The following EFCAB11 variants were observed in gnomAD, a reference collection of about 807,000 sequenced individuals.
EFCAB11 encodes EF-hand calcium binding domain 11.
EFCAB11 carries 14 observed loss-of-function variants against 23.0 expected under a neutral mutation model. The observed-to-expected ratio is 0.61, with a 90% CI of 0.40 to 0.95. EFCAB11 has a LOEUF of 0.95. EFCAB11 is among the 40% of genes least tolerant of loss of function. The pLI, the probability that EFCAB11 is intolerant of heterozygous loss-of-function variation, is 0.00. For missense variants in EFCAB11, 198 were observed against 195.8 expected (o/e 1.01, Z -0.07); for synonymous variants, 65 against 66.6 (o/e 0.98, Z 0.11).
chr14:89,881,759 T>C (rs1053608722), intron 5 of EFCAB11, among the ~76,000 whole-genome samples: 1 of 151,988 alleles, frequency 6.6e-6, no homozygotes, highest in Non-Finnish European at 1.5e-5. Flanking sequence ...GGAACTAATA[T>C]ATTTTCAAAT....
intron 3 of EFCAB11, among the ~76,000 whole-genome samples, chr14:89,943,025 G>GCCAACCTAGAATGTGAGTCTGAC (rs1890844540): frequency 6.6e-6 from 1 of 152,110 alleles, no homozygotes; most frequent in Non-Finnish European, 1.5e-5. Flanking sequence ...CTGAGTCTGG[G>GCCAACCTAGAATGTGAGTCTGAC]CCAACCTAGA....
intron 5 of EFCAB11, among the ~76,000 whole-genome samples, chr14:89,928,314 TG>T (rs1464987409): frequency 1.3e-5 from 2 of 152,282 alleles, no homozygotes; most frequent in Non-Finnish European, 2.9e-5. Context: ...ATTTTATTAA[TG>T]GCAAATAACT....
chr14:89,930,648 G>A (rs1332193108), intron 5 of EFCAB11, among the ~76,000 whole-genome samples: 1 of 152,226 alleles, frequency 6.6e-6, no homozygotes, highest in Non-Finnish European at 1.5e-5. Context: ...TGAAGCAAGA[G>A]GGAGAAGCCA....
intron 5 of EFCAB11, among the ~76,000 whole-genome samples, chr14:89,834,656 A>G (rs529046495): frequency 5.3e-5 from 8 of 152,344 alleles, no homozygotes; most frequent in African/African-American, 1.9e-4. Context: ...TAGGCTCAAG[A>G]GTGCCCAATA....
intron 5 of EFCAB11, among the ~76,000 whole-genome samples, chr14:89,894,291 C>G (rs548707495): frequency 1.3e-5 from 2 of 151,844 alleles, no homozygotes; most frequent in South Asian, 4.2e-4. Context: ...GATACATGTG[C>G]GGAACGTGCA....
At chr14:89,944,950 AATATT>A (rs1890919920) in intron 3 of EFCAB11, among the ~76,000 whole-genome samples, 1 of 110,594 alleles carries the variant, frequency 9.0e-6, no homozygotes, top group East Asian at 2.7e-4. Flanking sequence ...AATCTAATAA[AATATT>A]AGATTTTATT....
intron 5 of EFCAB11, among the ~76,000 whole-genome samples, chr14:89,864,094 T>C (rs961647726): frequency 6.6e-6 from 1 of 152,238 alleles, no homozygotes; most frequent in Non-Finnish European, 1.5e-5. Flanking sequence ...TAATGCATAA[T>C]GGTCCTAAAC....
chr14:89,927,815 G>A (rs1195747355), intron 5 of EFCAB11, among the ~76,000 whole-genome samples: 8 of 151,804 alleles, frequency 5.3e-5, no homozygotes, highest in Admixed American at 6.6e-5. Flanking sequence ...TCGACCTCCC[G>A]GGTTCAAGCG....
rs1300970781 is a variant in EFCAB11, at chr14:89,924,759, C to T, written c.410+6782G>A. 26 of 1,473,474 alleles carry T rather than the reference C, an allele frequency of 1.8e-5. No individual in the cohort carries two copies. In the East Asian group the frequency reaches 6.5e-4, roughly 37 times the overall value. The allele number at this position is 1,473,474 out of a possible 1,614,324, so 91.3% of individuals were successfully genotyped here. ...CAGAGGAAAATGGAAAGCAAAGCCA[C>T]ATGTGGCTATGAAGCTCCTGACTGC... On this transcript the variant is annotated intron_variant, in intron 5 of 5. Transcript: ENST00000316738.
intron 5 of EFCAB11, among the ~76,000 whole-genome samples, chr14:89,859,545 C>A (rs1887856726): frequency 6.6e-6 from 1 of 152,202 alleles, no homozygotes; most frequent in Admixed American, 6.5e-5. Flanking sequence ...ACCTGGAGAT[C>A]TCTGTTTCTG....
intron 5 of EFCAB11, among the ~76,000 whole-genome samples, chr14:89,832,862 C>T (rs559093894): frequency 6.6e-6 from 1 of 152,110 alleles, no homozygotes; most frequent in East Asian, 1.9e-4. Flanking sequence ...ACCACTGTAA[C>T]GCTGAACCAT....
chr14:89,954,318 G>A (rs1891340917), intron 1 of EFCAB11: 2 of 1,531,050 alleles, frequency 1.3e-6, no homozygotes, highest in African/African-American at 1.4e-5. Context: ...AAAGGGGCTG[G>A]CTTTGAAAGG....
At chr14:89,876,286 A>T (rs1396318617) in intron 5 of EFCAB11, among the ~76,000 whole-genome samples, 1 of 151,894 alleles carries the variant, frequency 6.6e-6, no homozygotes, top group South Asian at 2.1e-4. Flanking sequence ...GGAGGAGGAG[A>T]TGTTTCCGTT....
chr14:89,886,386 C>T (rs908772380), intron 5 of EFCAB11, among the ~76,000 whole-genome samples: 3 of 151,714 alleles, frequency 2.0e-5, no homozygotes, highest in Non-Finnish European at 2.9e-5. Flanking sequence ...GGCGTGGTGG[C>T]GGGTGCCTGT....
At chr14:89,835,749 TC>T (rs1278079825) in intron 5 of EFCAB11, among the ~76,000 whole-genome samples, 4 of 152,000 alleles carry the variant, frequency 2.6e-5, no homozygotes, top group Non-Finnish European at 5.9e-5. Flanking sequence ...CACCTCAGCC[TC>T]CTGAGTAGTT....
At chr14:89,932,348 A>C (rs934813433) in intron 4 of EFCAB11, among the ~76,000 whole-genome samples, 178 bp downstream of exon 4, 11 of 152,206 alleles carry the variant, frequency 7.2e-5, no homozygotes, top group Admixed American at 1.3e-4. Context: ...ATCTATGGTA[A>C]ATGTCAAGAA....
At chr14:89,850,225 T>TGGACCTGTGCACACACAC (rs1887561855) in intron 5 of EFCAB11, among the ~76,000 whole-genome samples, 1 of 152,234 alleles carries the variant, frequency 6.6e-6, no homozygotes, top group South Asian at 2.1e-4. Flanking sequence ...TTAGAACACA[T>TGGACCTGTGCACACACAC]GGTCCTGTGC....
intron 5 of EFCAB11, among the ~76,000 whole-genome samples, chr14:89,851,559 A>G (rs1219041001): frequency 6.6e-6 from 1 of 152,220 alleles, no homozygotes; most frequent in Non-Finnish European, 1.5e-5. Context: ...TCTTTGTGCT[A>G]TATTTATGGT....
At chr14:89,862,212 T>C (rs1296000672) in intron 5 of EFCAB11, among the ~76,000 whole-genome samples, 1 of 152,228 alleles carries the variant, frequency 6.6e-6, no homozygotes, top group Non-Finnish European at 1.5e-5. Context: ...CTTTTAATTA[T>C]ATAAAGATGG....
Sources: allele counts gnomAD v4.1 joint callset (sites outside exome capture counted in the v4.1 genomes callset), GRCh38; gene constraint gnomAD v4.1.1; transcripts MANE v1.5; gene names NCBI Gene and HGNC (gene_info 2026-07-23, HGNC 2026-07-21).